Variants in AK5 observed in about 807,000 individuals in gnomAD.
AK5 encodes the protein adenylate kinase 5.
A neutral mutation model predicts 69.5 loss-of-function variants in AK5; 27 were observed. That is an observed-to-expected ratio of 0.39 (90% CI 0.29 to 0.54). AK5 has a LOEUF of 0.54. Ranked by LOEUF, AK5 falls within the 20% of genes least tolerant of loss-of-function variation. AK5 has a pLI of 0.71. For synonymous variants in AK5, 260 were observed against 244.4 expected, an observed-to-expected ratio of 1.06 and a Z score of -0.60; for missense variants, 531 against 700.4, an observed-to-expected ratio of 0.76 and a Z score of 2.73.
chr1:77,353,599 T>G (rs1662332622), intron 6 of AK5, among the ~76,000 whole-genome samples: 1 of 152,208 alleles, frequency 6.6e-6, no homozygotes, highest in Non-Finnish European at 1.5e-5. Flanking sequence ...AACTGCGCAG[T>G]CTTACTCTTG....
At chr1:77,521,068 A>G (rs1231565226) in intron 11 of AK5, among the ~76,000 whole-genome samples, 3 of 152,240 alleles carry the variant, frequency 2.0e-5, no homozygotes, top group Admixed American at 1.3e-4. Context: ...ACATCTACCT[A>G]AAGTCTTTTA....
At chr1:77,366,731 G>A (rs1272077228) in intron 6 of AK5, among the ~76,000 whole-genome samples, 2 of 152,166 alleles carry the variant, frequency 1.3e-5, no homozygotes, top group Non-Finnish European at 1.5e-5. Flanking sequence ...AGGAAAGAAC[G>A]TGTGATTTTC....
intron 6 of AK5, among the ~76,000 whole-genome samples, chr1:77,399,960 C>T (rs1201365952): frequency 2.0e-5 from 3 of 152,210 alleles, no homozygotes; most frequent in South Asian, 2.1e-4. Flanking sequence ...CTCTTGCAGT[C>T]AACTTTGCCT....
chr1:77,388,574 T>A (rs1438420090), intron 6 of AK5, among the ~76,000 whole-genome samples: 2 of 151,916 alleles, frequency 1.3e-5, no homozygotes, highest in Non-Finnish European at 2.9e-5. Context: ...TGTTTTGTTG[T>A]TGTTGTTGTT....
At position 77,444,237 on chromosome 1, in the gene AK5, ATATATATACACAACATATGT is replaced by A. The variant is rs1557598055; in HGVS notation, c.1059+26523_1059+26542del. On this transcript the variant is annotated intron_variant, in intron 8 of 13. Coordinates refer to ENST00000354567, the MANE Select transcript of AK5 (RefSeq NM_174858.3). ...TACCACTTATGTATATATATATAGT[ATATATATACACAACATATGT>A]GTATATATATAGTATATATACACAA... is the stretch of plus-strand genomic sequence containing the variant. Among the ~76,000 whole-genome samples the A allele has an allele frequency of 2.7e-3, 189 of 68,982 alleles. 4 individuals are homozygous for A. Among genetic ancestry groups the A allele is most frequent in the South Asian group, 7.7e-3 (13 of 1,696 alleles). The allele number at this position is 68,982 out of a possible 152,430, so 45.3% of individuals were successfully genotyped here. A position where few individuals can be genotyped will look rare whatever the true frequency, so the allele number is the denominator to read the frequency against.
chr1:77,404,213 A>T (rs1385540096), intron 6 of AK5, among the ~76,000 whole-genome samples: 1 of 152,146 alleles, frequency 6.6e-6, no homozygotes, highest in Non-Finnish European at 1.5e-5. Context: ...AGGGCTTCAC[A>T]ATTTTTTCAC....
chr1:77,523,087 G>A (rs1048721293), intron 12 of AK5, among the ~76,000 whole-genome samples: 1 of 152,142 alleles, frequency 6.6e-6, no homozygotes, highest in African/African-American at 2.4e-5. Flanking sequence ...TGATTGAGGT[G>A]AATTATACTT....
chr1:77,378,232 T>C (rs866848228), intron 6 of AK5, among the ~76,000 whole-genome samples: 1 of 152,210 alleles, frequency 6.6e-6, no homozygotes, highest in African/African-American at 2.4e-5. Flanking sequence ...TAACATTTAA[T>C]TTTTTTCATT....
chr1:77,376,264 C>G (rs1647232246), intron 6 of AK5, among the ~76,000 whole-genome samples: 1 of 151,904 alleles, frequency 6.6e-6, no homozygotes, highest in Admixed American at 6.6e-5. Context: ...CAGGCTCCAT[C>G]CCTCTCTCCA....
chr1:77,358,977 G>T (rs533366440), intron 6 of AK5, among the ~76,000 whole-genome samples: 2 of 151,754 alleles, frequency 1.3e-5, no homozygotes, highest in Admixed American at 1.3e-4. Flanking sequence ...AATTACAGGC[G>T]GTGCATGGTG....
intron 5 of AK5, among the ~76,000 whole-genome samples, chr1:77,333,320 A>G (rs931471353): frequency 6.6e-6 from 1 of 152,196 alleles, no homozygotes; most frequent in African/African-American, 2.4e-5. Flanking sequence ...AACCCAGCCT[A>G]AGACACTCTT....
chr1:77,345,715 A>T (rs937520541), intron 6 of AK5, among the ~76,000 whole-genome samples: 1 of 152,114 alleles, frequency 6.6e-6, no homozygotes, highest in Non-Finnish European at 1.5e-5. Context: ...GTCCCAGATA[A>T]CCCCATTCAC....
At chr1:77,289,687 A>G (rs1658569114) in intron 2 of AK5, among the ~76,000 whole-genome samples, 1 of 152,098 alleles carries the variant, frequency 6.6e-6, no homozygotes, top group Non-Finnish European at 1.5e-5. Flanking sequence ...TGGTCAAACT[A>G]GAGAGAAGAA....
intron 13 of AK5, 69 bp downstream of exon 13, chr1:77,536,107 A>G: frequency 6.8e-7 from 1 of 1,471,314 alleles, no homozygotes; most frequent in African/African-American, 1.4e-5. Context: ...AGAAAAGAGA[A>G]AAAGCTGAGA....
At chr1:77,523,653 A>G (rs761204659) in intron 12 of AK5, among the ~76,000 whole-genome samples, 2 of 151,698 alleles carry the variant, frequency 1.3e-5, no homozygotes, top group Non-Finnish European at 2.9e-5. Flanking sequence ...CTAAACTGAA[A>G]CTCTACCTAC....
chr1:77,347,753 T>C (rs1383358892), intron 6 of AK5, among the ~76,000 whole-genome samples: 1 of 152,170 alleles, frequency 6.6e-6, no homozygotes, highest in East Asian at 1.9e-4. Context: ...ATTCTGCTAG[T>C]TCCTGAACAG....
intron 10 of AK5, among the ~76,000 whole-genome samples, chr1:77,504,441 A>AT (rs61693501): frequency 0.63 from 94,473 of 150,230 alleles, 29,949 homozygotes; most frequent in Admixed American, 0.69. Context: ...GTATATATAT[A>AT]TTTTTTTTAA....
At chr1:77,301,805 A>C (rs553623850) in intron 5 of AK5, among the ~76,000 whole-genome samples, 1 of 152,370 alleles carries the variant, frequency 6.6e-6, no homozygotes, top group South Asian at 2.1e-4. Context: ...TTGAGAATAT[A>C]CACAGTACTC....
chr1:77,380,725 G>A (rs1289337458), intron 6 of AK5, among the ~76,000 whole-genome samples: 1 of 152,210 alleles, frequency 6.6e-6, no homozygotes, highest in Non-Finnish European at 1.5e-5. Context: ...TGGGTACCAT[G>A]TGCTGTCAAG....
Sources: gnomAD v4.1 joint callset for allele counts (sites outside exome capture counted in the v4.1 genomes callset) on GRCh38, gnomAD v4.1.1 for gene constraint, MANE v1.5 for transcripts, NCBI Gene and HGNC (gene_info 2026-07-23, HGNC 2026-07-21) for gene names.